ELP4: variants seen among roughly 807,000 people sequenced by gnomAD.
ELP4 encodes elongator acetyltransferase complex subunit 4.
Under a neutral mutation model 48.9 loss-of-function variants are expected in ELP4, and 51 were observed. The ratio of observed to expected loss-of-function variants is 1.04; its 90% CI spans 0.83 to 1.32. ELP4 has a LOEUF of 1.32. Among genes scored for constraint, ELP4 ranks in the 40% most tolerant of loss-of-function variants. The pLI is 0.00. For missense variants in ELP4, 519 were observed against 514.6 expected (o/e 1.01, Z -0.08); for synonymous variants, 210 against 189.2 (o/e 1.11, Z -0.90).
rs113430227 is a variant in ELP4, at chr11:31,509,771, C to G, written c.-14C>G. ...TCCCAGAGTTCCTATTGGGTTAACA[C>G]TGGAGGCTCTAAGATGGCGGCAGTG... On this transcript the variant is annotated 5_prime_UTR_variant, in exon 1 of 10. Coordinates refer to ENST00000640961, the MANE Select transcript of ELP4 (RefSeq NM_019040.5). 1.8e-3 allele frequency: 2,892 copies of G among 1,613,444 alleles called. 57 individuals carry two copies. The African/African-American group carries it at 0.034, about 19-fold the overall frequency.
At chr11:31,781,562 G>A (rs780627682) in intron 9 of ELP4, among the ~76,000 whole-genome samples, 5 of 120,550 alleles carry the variant, frequency 4.1e-5, no homozygotes, top group Non-Finnish European at 6.3e-5. Context: ...GCTGTGGCAC[G>A]ATCTCGGTTC....
In ELP4 at chr11:31,509,841, G is replaced by A; in HGVS notation, c.57G>A (p.Ala19=). The change falls in exon 1 of 10, where the codon GCG becomes GCA. Residue 19 remains alanine, a synonymous_variant. Coordinates refer to ENST00000640961, the MANE Select transcript of ELP4 (RefSeq NM_019040.5). ...CCGCGAGTACTGGGTCTGCAGTGGC[G>A]ACAGCCAGCAAGAGCAACGTCACCA... ...SVAASTGSAV[A]TASKSNVTSF... 2 of 1,614,176 alleles carry A rather than the reference G, an allele frequency of 1.2e-6. No individual in the cohort carries two copies. Among genetic ancestry groups the A allele is most frequent in the Non-Finnish European group, 1.7e-6 (2 of 1,180,042 alleles).
intron 9 of ELP4, among the ~76,000 whole-genome samples, chr11:31,743,975 C>A (rs187954392): frequency 1.3e-5 from 2 of 152,060 alleles, no homozygotes; most frequent in Admixed American, 1.3e-4. Flanking sequence ...AAAAGCTCAA[C>A]AAAATTGGTA....
intron 9 of ELP4, chr11:31,728,019 C>G (rs909169755): frequency 1.3e-5 from 2 of 152,006 alleles, no homozygotes; most frequent in Admixed American, 1.3e-4. Context: ...TACTTTACAT[C>G]AAGCATGAAA....
intron 2 of ELP4, among the ~76,000 whole-genome samples, chr11:31,528,253 A>C (rs993607293): frequency 6.6e-6 from 1 of 152,142 alleles, no homozygotes; most frequent in East Asian, 1.9e-4. Context: ...ATGTAGGAGC[A>C]TAATGAATAA....
rs1948470720 is a variant in ELP4 at position 31,784,736 on chromosome 11, C to G, written c.*1212C>G. 1 of 165,426 alleles carries G rather than the reference C, an allele frequency of 6.0e-6. No homozygotes were observed. The highest frequency in any genetic ancestry group is 2.0e-4 in the South Asian group (1 of 4,940). The allele number at this position is 165,426 out of a possible 1,614,324, so 10.2% of individuals were successfully genotyped here. ...ACAAAGACTAGGTTTTTAAAACTGTCTAACCAATATGATGAATGTCAGTCA... is the reference window on the plus strand; with the variant it reads ...ACAAAGACTAGGTTTTTAAAACTGTGTAACCAATATGATGAATGTCAGTCA... On this transcript the variant is annotated 3_prime_UTR_variant, in exon 10 of 10. Coordinates refer to ENST00000640961, the MANE Select transcript of ELP4 (RefSeq NM_019040.5).
intron 9 of ELP4, among the ~76,000 whole-genome samples, chr11:31,744,589 G>A (rs1285120967): frequency 2.0e-5 from 3 of 152,118 alleles, no homozygotes; most frequent in African/African-American, 7.2e-5. Flanking sequence ...TTCAACATAC[G>A]CAAATCAATA....
At position 31,627,254 on chromosome 11, in the gene ELP4, TGG is replaced by T. The variant is rs67239104; in HGVS notation, c.738+70_738+71del. The T allele has an allele frequency of 9.8e-3, 1,039 of 105,492 alleles. 4 individuals are homozygous for T. The highest frequency in any genetic ancestry group is 0.042 in the South Asian group (132 of 3,134). 6.5% of individuals were successfully genotyped at this position (105,492 alleles called of 1,614,324 possible). On this transcript the variant is annotated intron_variant, in intron 6 of 9. Coordinates refer to ENST00000640961, the MANE Select transcript of ELP4 (RefSeq NM_019040.5). The stretch of plus-strand genomic sequence containing the variant: ...TATATAATGTTGTTTTCAAATTCTC[TGG>T]GGGGGGGGGCGGGAACCCAGAAGTT...
At chr11:31,735,980 A>C (rs980479080) in intron 9 of ELP4, among the ~76,000 whole-genome samples, 1 of 152,130 alleles carries the variant, frequency 6.6e-6, no homozygotes, top group Non-Finnish European at 1.5e-5. Flanking sequence ...AACTATTTTA[A>C]AGTTCATATG....
At chr11:31,779,605 T>C (rs1053514173) in intron 9 of ELP4, 1 of 152,266 alleles carries the variant, frequency 6.6e-6, no homozygotes, top group African/African-American at 2.4e-5. Flanking sequence ...CTGCTGCTGC[T>C]GCCTTATTAT....
At chr11:31,615,827 T>C (rs1307020953) in intron 5 of ELP4, among the ~76,000 whole-genome samples, 3 of 152,048 alleles carry the variant, frequency 2.0e-5, no homozygotes, top group Non-Finnish European at 4.4e-5. Flanking sequence ...ACCTCTTTAA[T>C]TGCATACCTT....
chr11:31,770,576 A>C (rs547072172), intron 9 of ELP4, among the ~76,000 whole-genome samples: 1 of 151,462 alleles, frequency 6.6e-6, no homozygotes, highest in Non-Finnish European at 1.5e-5. Context: ...AAAAAAAAAA[A>C]AAAATAGAAA....
intron 9 of ELP4, among the ~76,000 whole-genome samples, chr11:31,724,872 TA>T (rs377539115): frequency 8.5e-5 from 13 of 152,366 alleles, no homozygotes; most frequent in African/African-American, 3.1e-4. Flanking sequence ...CAGTGTTGTT[TA>T]AAATTTTAAT....
intron 9 of ELP4, among the ~76,000 whole-genome samples, chr11:31,720,954 T>C (rs1051573709): frequency 4.6e-5 from 7 of 152,226 alleles, no homozygotes; most frequent in African/African-American, 1.7e-4. Flanking sequence ...TGGAGGCTAT[T>C]GCTCAATTTG....
intron 9 of ELP4, chr11:31,650,545 C>A: frequency 4.9e-6 from 1 of 203,490 alleles, no homozygotes; most frequent in Non-Finnish European, 9.7e-6. Context: ...ATGAGCTGCG[C>A]TTACTTGGGT....
At chr11:31,745,751 T>C (rs980825924) in intron 9 of ELP4, among the ~76,000 whole-genome samples, 1 of 152,140 alleles carries the variant, frequency 6.6e-6, no homozygotes, top group African/African-American at 2.4e-5. Flanking sequence ...CAAGATGGAT[T>C]AAAGACTTAA....
chr11:31,782,564 C>T (rs1948401710), intron 9 of ELP4, among the ~76,000 whole-genome samples: 1 of 152,122 alleles, frequency 6.6e-6, no homozygotes, highest in South Asian at 2.1e-4. Flanking sequence ...CTTTTGAAAA[C>T]AGAAAAATGT....
chr11:31,692,894 T>C (rs955522905), intron 9 of ELP4, among the ~76,000 whole-genome samples: 2 of 152,146 alleles, frequency 1.3e-5, no homozygotes, highest in Admixed American at 6.6e-5. Flanking sequence ...CCGTTTATGC[T>C]CTGGTAGCAT....
At chr11:31,653,329 CT>C (rs1945361308) in intron 9 of ELP4, 1 of 151,602 alleles carries the variant, frequency 6.6e-6, no homozygotes, top group African/African-American at 2.4e-5. Context: ...ACTGGTGACT[CT>C]TATAAGCTAT....
Sources: gnomAD v4.1 joint callset for allele counts (sites outside exome capture counted in the v4.1 genomes callset) on GRCh38, gnomAD v4.1.1 for gene constraint, MANE v1.5 for transcripts, NCBI Gene and HGNC (gene_info 2026-07-23, HGNC 2026-07-21) for gene names.